The following DPP10 variants were observed in gnomAD, a reference collection of about 807,000 sequenced individuals.
DPP10 encodes inactive dipeptidyl peptidase 10.
A neutral mutation model predicts 120.9 loss-of-function variants in DPP10; 33 were observed. The ratio of observed to expected loss-of-function variants is 0.27; its 90% CI spans 0.21 to 0.37. DPP10 has a LOEUF of 0.37. Among genes scored for constraint, DPP10 ranks in the 10% least tolerant of loss-of-function variants. The pLI is 1.00. For synonymous variants in DPP10, 337 were observed against 326.1 expected (o/e 1.03, Z -0.36); for missense variants, 816 against 942.8 (o/e 0.87, Z 1.76).
At chr2:115,095,573 G>GTT (rs747930952) in intron 1 of DPP10, among the ~76,000 whole-genome samples, 23,006 of 133,840 alleles carry the variant, frequency 0.17, 2,531 homozygotes, top group East Asian at 0.35. Flanking sequence ...AATTCTGTTT[G>GTT]GTTTTTTTTT....
intron 1 of DPP10, among the ~76,000 whole-genome samples, chr2:115,099,884 C>A (rs1027474285): frequency 2.0e-5 from 3 of 152,152 alleles, no homozygotes; most frequent in African/African-American, 7.2e-5. Flanking sequence ...GCCACATCTC[C>A]TTTGCTGCAG....
intron 1 of DPP10, among the ~76,000 whole-genome samples, chr2:115,084,038 TA>T (rs933562213): frequency 1.5e-4 from 23 of 152,298 alleles, no homozygotes; most frequent in Non-Finnish European, 3.2e-4. Context: ...TAGAGTGGGT[TA>T]GGGGCTATAC....
chr2:114,795,142 TTCC>T (rs1423506023), intron 1 of DPP10, among the ~76,000 whole-genome samples: 1 of 152,130 alleles, frequency 6.6e-6, no homozygotes, highest in Non-Finnish European at 1.5e-5. Flanking sequence ...ATGTAGAGCT[TTCC>T]TCTCTTGGAT....
intron 5 of DPP10, among the ~76,000 whole-genome samples, chr2:115,616,061 AGTTT>A (rs2084470564): frequency 6.6e-6 from 1 of 152,148 alleles, no homozygotes; most frequent in African/African-American, 2.4e-5. Flanking sequence ...AAAGTTACTC[AGTTT>A]GTTTAAACTG....
intron 1 of DPP10, among the ~76,000 whole-genome samples, chr2:114,492,542 A>G (rs948964526): frequency 1.2e-4 from 18 of 152,212 alleles, no homozygotes; most frequent in Non-Finnish European, 2.5e-4. Flanking sequence ...TAAGATTTCA[A>G]GGGAAAAAGT....
chr2:114,896,309 A>G (rs970975632), intron 1 of DPP10, among the ~76,000 whole-genome samples: 3 of 152,206 alleles, frequency 2.0e-5, no homozygotes, highest in African/African-American at 7.2e-5. Flanking sequence ...CATTGAATCT[A>G]TAAATTACAT....
chr2:115,267,953 A>T (rs1466567664), intron 1 of DPP10, among the ~76,000 whole-genome samples: 1 of 152,180 alleles, frequency 6.6e-6, no homozygotes, highest in African/African-American at 2.4e-5. Flanking sequence ...CATCTTACTC[A>T]TTGACACAGA....
intron 1 of DPP10, among the ~76,000 whole-genome samples, chr2:114,617,482 T>G (rs781288555): frequency 2.0e-5 from 3 of 152,128 alleles, no homozygotes; most frequent in African/African-American, 7.2e-5. Flanking sequence ...GATTCTATTC[T>G]TTCTAAATTG....
At chr2:115,767,853 A>G (rs917274863) in intron 12 of DPP10, among the ~76,000 whole-genome samples, 2 of 152,164 alleles carry the variant, frequency 1.3e-5, no homozygotes, top group Admixed American at 6.6e-5. Flanking sequence ...TCAAGTAAGT[A>G]CAGTTGCTGA....
chr2:114,483,447 C>T (rs1186894336), intron 1 of DPP10, among the ~76,000 whole-genome samples: 5 of 151,910 alleles, frequency 3.3e-5, no homozygotes, highest in South Asian at 4.2e-4. Context: ...ACAAAATAAT[C>T]GTATTCTTTT....
chr2:114,643,638 T>TATG (rs1294246705), intron 1 of DPP10, among the ~76,000 whole-genome samples: 1 of 151,846 alleles, frequency 6.6e-6, no homozygotes, highest in Admixed American at 6.5e-5. Context: ...TTACTCAGAT[T>TATG]ATGATATTAT....
intron 1 of DPP10, among the ~76,000 whole-genome samples, chr2:114,463,817 C>T (rs936818659): frequency 6.6e-6 from 1 of 152,168 alleles, no homozygotes. Context: ...CCTCCCCAAA[C>T]CCCTTCAAAT....
chr2:114,497,589 C>G (rs1427252002), intron 1 of DPP10, among the ~76,000 whole-genome samples: 1 of 151,984 alleles, frequency 6.6e-6, no homozygotes, highest in Non-Finnish European at 1.5e-5. Context: ...TTAAGTTATT[C>G]AGAGATAGCA....
At chr2:115,806,969 C>T (rs1407900033) in intron 19 of DPP10, among the ~76,000 whole-genome samples, 1 of 152,042 alleles carries the variant, frequency 6.6e-6, no homozygotes, top group African/African-American at 2.4e-5. Context: ...ATTCTCCTGT[C>T]TTTGGTGTGT....
At chr2:115,376,871 G>A (rs1156602478) in intron 3 of DPP10, among the ~76,000 whole-genome samples, 22 of 149,504 alleles carry the variant, frequency 1.5e-4, no homozygotes, top group African/African-American at 4.7e-4. Context: ...TCCCTACAAA[G>A]GACATGAACT....
intron 1 of DPP10, among the ~76,000 whole-genome samples, chr2:114,748,414 TTA>T (rs1491137644): frequency 6.8e-6 from 1 of 146,904 alleles, no homozygotes; most frequent in African/African-American, 2.5e-5. Flanking sequence ...AATTTTTTTT[TTA>T]TTATACTTTA....
intron 1 of DPP10, among the ~76,000 whole-genome samples, chr2:115,022,594 G>A (rs6735772): frequency 0.39 from 59,600 of 151,756 alleles, 11,901 homozygotes; most frequent in South Asian, 0.53. Flanking sequence ...TCTATAGATT[G>A]AATGTAATTT....
intron 3 of DPP10, among the ~76,000 whole-genome samples, chr2:115,427,027 C>A (rs190750177): frequency 9.5e-4 from 145 of 152,342 alleles, no homozygotes; most frequent in African/African-American, 3.3e-3. Context: ...CTGCAGGCCC[C>A]ATGCAAGTTC....
At chr2:115,435,283 G>C (rs1589084) in intron 3 of DPP10, among the ~76,000 whole-genome samples, 1 of 151,430 alleles carries the variant, frequency 6.6e-6, no homozygotes, top group African/African-American at 2.4e-5. Flanking sequence ...CATAGTGGCT[G>C]TACTAATTTA....
Sources: gnomAD v4.1 joint callset for allele counts (sites outside exome capture counted in the v4.1 genomes callset) on GRCh38, gnomAD v4.1.1 for gene constraint, MANE v1.5 for transcripts, NCBI Gene and HGNC (gene_info 2026-07-23, HGNC 2026-07-21) for gene names.